Variants in RNF150 observed in about 807,000 individuals in gnomAD.
The protein encoded by RNF150 is ring finger protein 150.
RNF150 carries 24 observed loss-of-function variants against 39.3 expected under a neutral mutation model. That is an observed-to-expected ratio of 0.61 (90% CI 0.44 to 0.86). The LOEUF (loss-of-function observed/expected upper bound fraction) is 0.86. Among genes scored for constraint, RNF150 ranks in the 40% least tolerant of loss-of-function variants. The pLI is 0.00. For synonymous variants in RNF150, 255 were observed against 227.3 expected, an observed-to-expected ratio of 1.12 and a Z score of -1.10; for missense variants, 502 against 587.8, an observed-to-expected ratio of 0.85 and a Z score of 1.51.
At chr4:141,111,762 G>A (rs1022695234) in intron 1 of RNF150, among the ~76,000 whole-genome samples, 3 of 152,100 alleles carry the variant, frequency 2.0e-5, no homozygotes, top group South Asian at 2.1e-4. Context: ...GGCATCATCC[G>A]AGGCCAATTA....
At chr4:140,887,696 G>A (rs1729630330) in intron 6 of RNF150, among the ~76,000 whole-genome samples, 1 of 152,104 alleles carries the variant, frequency 6.6e-6, no homozygotes, top group African/African-American at 2.4e-5. Flanking sequence ...ACAGGGCTCT[G>A]ATGGAAACAC....
At chr4:141,000,017 G>A (rs1734568298) in intron 1 of RNF150, among the ~76,000 whole-genome samples, 1 of 33,562 alleles carries the variant, frequency 3.0e-5, no homozygotes, top group Non-Finnish European at 7.1e-5. Flanking sequence ...AGAAGAAGAA[G>A]AAGAAGAAGA....
chr4:141,011,781 A>G (rs1735083598), intron 1 of RNF150, among the ~76,000 whole-genome samples: 1 of 152,254 alleles, frequency 6.6e-6, no homozygotes, highest in Admixed American at 6.5e-5. Flanking sequence ...CACAAAAAGT[A>G]GATTAATAGT....
At chr4:141,147,182 G>A (rs1036100334) in intron 1 of RNF150, among the ~76,000 whole-genome samples, 1 of 152,160 alleles carries the variant, frequency 6.6e-6, no homozygotes, top group African/African-American at 2.4e-5. Context: ...GACTGTGTTT[G>A]TTATGATAAG....
Position 140,868,051 on chromosome 4 carries a change from T to G in RNF150, c.*210A>C, listed in dbSNP as rs1325415751. ...GGAAATCAGCTTTCAACTTCCCAGCTGCCAAGGCCACAGACTGCCATACCG... is the reference window on the plus strand; with the variant it reads ...GGAAATCAGCTTTCAACTTCCCAGCGGCCAAGGCCACAGACTGCCATACCG... On this transcript the variant is annotated 3_prime_UTR_variant, in exon 7 of 7. Coordinates refer to ENST00000515673, the MANE Select transcript of RNF150 (RefSeq NM_020724.2). 2 of 497,260 alleles carry G rather than the reference T, an allele frequency of 4.0e-6. No individual in the cohort carries two copies. Among genetic ancestry groups the G allele is most frequent in the Admixed American group, 7.3e-5 (2 of 27,396 alleles). The allele number at this position is 497,260 out of a possible 1,614,324, so 30.8% of individuals were successfully genotyped here.
At chr4:140,922,182 CCT>C (rs1297426432) in intron 5 of RNF150, among the ~76,000 whole-genome samples, 2 of 151,346 alleles carry the variant, frequency 1.3e-5, no homozygotes, top group East Asian at 3.9e-4. Context: ...TCAAATTGTC[CCT>C]GTTTGCAGAT....
At chr4:141,092,233 C>T (rs1738608643) in intron 1 of RNF150, among the ~76,000 whole-genome samples, 2 of 151,888 alleles carry the variant, frequency 1.3e-5, no homozygotes, top group South Asian at 2.1e-4. Flanking sequence ...ATCCCAGCTA[C>T]TTGGGAGGCT....
intron 1 of RNF150, among the ~76,000 whole-genome samples, chr4:141,098,228 T>G (rs1738873831): frequency 6.6e-6 from 1 of 152,220 alleles, no homozygotes; most frequent in Non-Finnish European, 1.5e-5. Context: ...TATAATAATG[T>G]GATAAGCAGA....
At chr4:140,903,654 T>C (rs1331558547) in intron 6 of RNF150, among the ~76,000 whole-genome samples, 1 of 152,304 alleles carries the variant, frequency 6.6e-6, no homozygotes, top group South Asian at 2.1e-4. Context: ...CTGAGCCATG[T>C]CAAAAGCAAG....
At chr4:140,912,680 A>G (rs768756823) in intron 5 of RNF150, among the ~76,000 whole-genome samples, 1 of 152,180 alleles carries the variant, frequency 6.6e-6, no homozygotes, top group Non-Finnish European at 1.5e-5. Context: ...GAGCTCTACC[A>G]TTCCATAAAC....
intron 1 of RNF150, among the ~76,000 whole-genome samples, chr4:141,141,533 G>A (rs1378597137): frequency 1.3e-5 from 2 of 152,312 alleles, no homozygotes; most frequent in East Asian, 1.9e-4. Flanking sequence ...GATTGTGAAT[G>A]GTTCATGCCT....
chr4:141,037,545 A>T (rs1736191996), intron 1 of RNF150, among the ~76,000 whole-genome samples: 3 of 152,308 alleles, frequency 2.0e-5, no homozygotes, highest in Non-Finnish European at 4.4e-5. Context: ...AATTACTGTT[A>T]AGGCATTTTA....
chr4:141,125,172 A>G (rs1726717245), intron 1 of RNF150, among the ~76,000 whole-genome samples: 1 of 152,234 alleles, frequency 6.6e-6, no homozygotes, highest in Non-Finnish European at 1.5e-5. Flanking sequence ...TGGCTTCAAT[A>G]TACAAAGCAC....
chr4:140,910,711 G>T (rs1309460162), intron 6 of RNF150, among the ~76,000 whole-genome samples: 1 of 152,182 alleles, frequency 6.6e-6, no homozygotes, highest in East Asian at 1.9e-4. Context: ...TCCAGTGTGT[G>T]TGTGTGTGTG....
At position 140,918,650 on chromosome 4, in the gene RNF150, A is replaced by G. The variant is rs567529850; in HGVS notation, c.988-7296T>C. Among the ~76,000 whole-genome samples, 328 of 152,072 alleles carry G rather than the reference A, an allele frequency of 2.2e-3. 1 individual carries two copies. The highest frequency in any genetic ancestry group is 7.2e-3 in the African/African-American group (299 of 41,474). Reference sequence around the variant, plus strand: ...ATTCCTTCTGAAACTATTCCAATCAATACAAAAAGAGGAAATCCTCCCTAA... The same window carrying G: ...ATTCCTTCTGAAACTATTCCAATCAGTACAAAAAGAGGAAATCCTCCCTAA... On this transcript the variant is annotated intron_variant, in intron 5 of 6. Coordinates refer to ENST00000515673, the MANE Select transcript of RNF150 (RefSeq NM_020724.2).
intron 1 of RNF150, among the ~76,000 whole-genome samples, chr4:141,039,508 AT>A (rs1461770617): frequency 6.6e-6 from 1 of 152,126 alleles, no homozygotes; most frequent in African/African-American, 2.4e-5. Context: ...AAGGCCATAC[AT>A]TTAGGAACTG....
chr4:140,990,593 T>A (rs1479793562), intron 1 of RNF150, among the ~76,000 whole-genome samples: 4 of 152,252 alleles, frequency 2.6e-5, no homozygotes, highest in Non-Finnish European at 4.4e-5. Context: ...AGTGTTTGGT[T>A]TTCTGTTCCT....
At chr4:140,951,818 CCAAA>C (rs1355479699) in intron 2 of RNF150, among the ~76,000 whole-genome samples, 1 of 151,892 alleles carries the variant, frequency 6.6e-6, no homozygotes, top group Non-Finnish European at 1.5e-5. Flanking sequence ...AATCTGAATC[CCAAA>C]CAAACAAATA....
intron 2 of RNF150, among the ~76,000 whole-genome samples, chr4:140,958,944 T>C (rs1732898554): frequency 6.6e-6 from 1 of 152,194 alleles, no homozygotes; most frequent in African/African-American, 2.4e-5. Flanking sequence ...GCAACTTCTC[T>C]TTCCATGCCA....
Sources: allele counts gnomAD v4.1 joint callset (sites outside exome capture counted in the v4.1 genomes callset), GRCh38; gene constraint gnomAD v4.1.1; transcripts MANE v1.5; gene names NCBI Gene and HGNC (gene_info 2026-07-23, HGNC 2026-07-21).